The following MCM5 variants were observed in gnomAD, a reference collection of about 807,000 sequenced individuals.
The protein encoded by MCM5 is minichromosome maintenance complex component 5, also known as DNA replication licensing factor MCM5.
A neutral mutation model predicts 79.9 loss-of-function variants in MCM5; 46 were observed. The observed-to-expected ratio is 0.58, with a 90% CI of 0.45 to 0.74. MCM5 has a LOEUF of 0.74. Among genes scored for constraint, MCM5 ranks in the 30% least tolerant of loss-of-function variants. MCM5 has a pLI of 0.00. For synonymous variants in MCM5, 404 were observed against 390.5 expected (o/e 1.03, Z -0.41); for missense variants, 883 against 1,017.0 (o/e 0.87, Z 1.79).
At chr22:35,432,811 A>G in the MCM5 span, among the ~76,000 whole-genome samples, 1 of 147,060 alleles carries the variant, frequency 6.8e-6, no homozygotes, top group Non-Finnish European at 1.5e-5. Flanking sequence ...GAGGTCCTAG[A>G]GGGAGACCAG....
At chr22:35,416,186 T>A (rs912571104) in intron 10 of MCM5, among the ~76,000 whole-genome samples, 153 bp from the exon 11 acceptor site, 11 of 152,196 alleles carry the variant, frequency 7.2e-5, no homozygotes, top group African/African-American at 2.7e-4. Context: ...CCCACACAGT[T>A]GTTCCCATGA....
chr22:35,415,600 T>C (rs1055700255), intron 9 of MCM5, among the ~76,000 whole-genome samples: 1 of 152,218 alleles, frequency 6.6e-6, no homozygotes, highest in African/African-American at 2.4e-5. Context: ...AGGTGAGCCA[T>C]GGATGTGATG....
intron 4 of MCM5, among the ~76,000 whole-genome samples, chr22:35,404,152 GA>G (rs901235986): frequency 2.0e-5 from 3 of 148,282 alleles, no homozygotes; most frequent in Non-Finnish European, 3.0e-5. Context: ...ACTTTATCCC[GA>G]AAAAAAAAAG....
chr22:35,437,989 G>A, the MCM5 span, among the ~76,000 whole-genome samples: 2 of 152,108 alleles, frequency 1.3e-5, no homozygotes, highest in African/African-American at 2.4e-5. Context: ...TTGGCCTGTC[G>A]TTTCCCCTTG....
chr22:35,412,402 G>T, intron 7 of MCM5, 108 bp from the exon 8 acceptor site: 1 of 879,788 alleles, frequency 1.1e-6, no homozygotes. Flanking sequence ...TGGCCCTAAG[G>T]GCCCTAAGGG....
chr22:35,447,070 G>A, the MCM5 span, among the ~76,000 whole-genome samples: 2 of 152,300 alleles, frequency 1.3e-5, no homozygotes, highest in South Asian at 4.1e-4. Context: ...AGAAGACCAG[G>A]GGTTCAGCCC....
At chr22:35,403,028 G>C (rs1932106400) in intron 2 of MCM5, among the ~76,000 whole-genome samples, 179 bp from the exon 3 acceptor site, 1 of 152,202 alleles carries the variant, frequency 6.6e-6, no homozygotes, top group Admixed American at 6.5e-5. Context: ...GCAGTGAGTA[G>C]CCTCTGCAGG....
downstream of MCM5, among the ~76,000 whole-genome samples, chr22:35,428,274 G>T (rs111875099): frequency 0.046 from 6,953 of 151,858 alleles, 506 homozygotes; most frequent in African/African-American, 0.15. Flanking sequence ...TGCCCACCTT[G>T]GCCTCCCAAA....
At chr22:35,448,184 C>T in the MCM5 span, among the ~76,000 whole-genome samples, 5 of 152,174 alleles carry the variant, frequency 3.3e-5, no homozygotes, top group African/African-American at 1.2e-4. Context: ...TCAGTTTCCT[C>T]TTCTAGAAAA....
At position 35,403,338 on chromosome 22, in the gene MCM5, G is replaced by A; in HGVS notation, c.294+5G>A. On this transcript the variant is annotated splice_donor_5th_base_variant and intron_variant, in intron 3 of 16. Coordinates refer to ENST00000216122, the MANE Select transcript of MCM5 (RefSeq NM_006739.4). ...CCAGCCGAGCACCTGCAGCTGGTGA[G>A]TGGGACCCCATCCCTGAGCTTCCCA... The A allele has an allele frequency of 6.2e-7, 1 of 1,614,188 alleles. No homozygotes were observed. The highest frequency in any genetic ancestry group is 8.5e-7 in the Non-Finnish European group (1 of 1,180,036).
Position 35,410,774 on chromosome 22 carries a change from C to T in MCM5, c.783C>T (p.Asn261=), listed in dbSNP as rs1932359797. ...RYLCDKVVPG[N]RVTIMGIYSI... ...TGTGTGACAAGGTCGTCCCTGGGAA[C>T]AGGGTTACCATCATGGGCATCTACT... is the stretch of plus-strand genomic sequence containing the variant. The change falls in exon 7 of 17, where the codon AAC becomes AAT. Residue 261 remains asparagine (N), a synonymous_variant. Transcript: ENST00000216122. 6.2e-7 allele frequency: 1 copy of T among 1,614,148 alleles called. No homozygotes were observed. Among genetic ancestry groups the T allele is most frequent in the East Asian group, 2.2e-5 (1 of 44,882 alleles).
the MCM5 span, among the ~76,000 whole-genome samples, chr22:35,449,665 G>T: frequency 6.6e-6 from 1 of 152,202 alleles, no homozygotes; most frequent in Admixed American, 6.6e-5. Flanking sequence ...CTGACATGTG[G>T]CAGTTTTCCG....
the MCM5 span, among the ~76,000 whole-genome samples, chr22:35,436,743 C>T: frequency 1.3e-5 from 2 of 152,240 alleles, no homozygotes; most frequent in African/African-American, 4.8e-5. Context: ...TGGGTCAGGA[C>T]CCTGTCCTAG....
At chr22:35,420,801 G>A (rs1932673761) in intron 14 of MCM5, among the ~76,000 whole-genome samples, 1 of 152,186 alleles carries the variant, frequency 6.6e-6, no homozygotes, top group Non-Finnish European at 1.5e-5. Flanking sequence ...TGTCTGGGAT[G>A]TGTTTTAGTG....
the MCM5 span, among the ~76,000 whole-genome samples, chr22:35,435,120 C>T: frequency 6.6e-6 from 1 of 152,136 alleles, no homozygotes; most frequent in Non-Finnish European, 1.5e-5. Flanking sequence ...CACTACACTC[C>T]AGCCTGGGCG....
intron 9 of MCM5, 99 bp from the exon 10 acceptor site, chr22:35,415,730 G>T (rs755254332): frequency 8.8e-6 from 12 of 1,368,532 alleles, no homozygotes; most frequent in Non-Finnish European, 1.0e-5. Context: ...GCTTTGATGT[G>T]TGACCTTGGG....
the MCM5 span, among the ~76,000 whole-genome samples, chr22:35,454,941 C>A: frequency 6.6e-6 from 1 of 151,824 alleles, no homozygotes; most frequent in Admixed American, 6.6e-5. Flanking sequence ...GACAGATGTC[C>A]CCAGAGACAA....
At position 35,402,701 on chromosome 22, in the gene MCM5, G is replaced by A. The variant is rs570424141; in HGVS notation, c.168-506G>A. On this transcript the variant is annotated intron_variant, in intron 2 of 16. Transcript: ENST00000216122. ...TGGGACTACAGGCGTATGCTACCAT[G>A]CCCGGCTAATCTTCGTATTTTTAGT... Among the ~76,000 whole-genome samples, 34 of 152,044 alleles carry A rather than the reference G, an allele frequency of 2.2e-4. 1 individual carries two copies. Among genetic ancestry groups the A allele is most frequent in the Admixed American group, 2.0e-4 (3 of 15,250 alleles).
intron 4 of MCM5, among the ~76,000 whole-genome samples, chr22:35,405,146 C>T (rs953209605): frequency 2.6e-5 from 4 of 151,492 alleles, no homozygotes; most frequent in Non-Finnish European, 5.9e-5. Context: ...CTGCCTCAGC[C>T]CCCCAAGTGG....
Sources: allele counts gnomAD v4.1 joint callset (sites outside exome capture counted in the v4.1 genomes callset), GRCh38; gene constraint gnomAD v4.1.1; transcripts MANE v1.5; gene names NCBI Gene and HGNC (gene_info 2026-07-23, HGNC 2026-07-21).